The following SCHIP1 variants were observed in gnomAD, a reference collection of about 807,000 sequenced individuals.
The protein encoded by SCHIP1 is schwannomin-interacting protein 1.
A neutral mutation model predicts 29.7 loss-of-function variants in SCHIP1; 8 were observed. The ratio of observed to expected loss-of-function variants is 0.27; its 90% CI spans 0.16 to 0.49. The LOEUF is 0.49. Among genes scored for constraint, SCHIP1 ranks in the 20% least tolerant of loss-of-function variants. The pLI, the probability that SCHIP1 is intolerant of heterozygous loss-of-function variation, is 0.99. For synonymous variants in SCHIP1, 76 were observed against 94.9 expected (o/e 0.80, Z 1.16); for missense variants, 193 against 294.6 (o/e 0.66, Z 2.52).
the SCHIP1 span, among the ~76,000 whole-genome samples, chr3:159,819,189 A>G: frequency 6.6e-6 from 1 of 150,894 alleles, no homozygotes; most frequent in Non-Finnish European, 1.5e-5. Flanking sequence ...CATGGCAGAT[A>G]ACTTCCCCCA....
At chr3:159,622,857 G>C in the SCHIP1 span, among the ~76,000 whole-genome samples, 2 of 152,156 alleles carry the variant, frequency 1.3e-5, no homozygotes, top group Non-Finnish European at 2.9e-5. Flanking sequence ...GGCGGAGCTT[G>C]CAGTGAGCAG....
exon 1 of SCHIP1, chr3:159,840,085 C>A: frequency 1.3e-6 from 2 of 1,524,726 alleles, no homozygotes; most frequent in Non-Finnish European, 1.7e-6. Context: ...CCTGCCTTAC[C>A]AGGGCGTTCT....
the SCHIP1 span, chr3:159,768,720 C>T: frequency 6.6e-6 from 1 of 152,308 alleles, no homozygotes. Flanking sequence ...GTGACTGGAT[C>T]CTTGCTCCAT....
chr3:159,325,770 A>G, the SCHIP1 span, among the ~76,000 whole-genome samples: 1 of 152,102 alleles, frequency 6.6e-6, no homozygotes, highest in Non-Finnish European at 1.5e-5. Flanking sequence ...AACAAAGCAC[A>G]CATCCTCTGA....
chr3:159,689,072 G>A, the SCHIP1 span, among the ~76,000 whole-genome samples: 1 of 152,150 alleles, frequency 6.6e-6, no homozygotes, highest in African/African-American at 2.4e-5. Context: ...GATTATCTTG[G>A]CTGTATGGGC....
At chr3:159,442,986 C>T in the SCHIP1 span, among the ~76,000 whole-genome samples, 1 of 152,146 alleles carries the variant, frequency 6.6e-6, no homozygotes, top group Non-Finnish European at 1.5e-5. Context: ...TTAGCTGTTA[C>T]ATTAACAATT....
chr3:159,371,851 C>G, the SCHIP1 span, among the ~76,000 whole-genome samples: 1 of 152,106 alleles, frequency 6.6e-6, no homozygotes, highest in Non-Finnish European at 1.5e-5. Context: ...ATGTTCCATA[C>G]AGATGCAATT....
the SCHIP1 span, among the ~76,000 whole-genome samples, chr3:159,450,497 G>A: frequency 1.3e-5 from 2 of 152,202 alleles, no homozygotes; most frequent in African/African-American, 2.4e-5. Context: ...AGTCAAGTCA[G>A]ATTCAAGACA....
the SCHIP1 span, among the ~76,000 whole-genome samples, chr3:159,767,504 T>C: frequency 6.6e-6 from 1 of 152,334 alleles, no homozygotes; most frequent in East Asian, 1.9e-4. Flanking sequence ...AGGCCTGCCT[T>C]GAAGGAACTG....
At chr3:159,438,191 G>A in the SCHIP1 span, among the ~76,000 whole-genome samples, 16 of 152,046 alleles carry the variant, frequency 1.1e-4, no homozygotes, top group African/African-American at 3.6e-4. Context: ...AAACATAAAT[G>A]CAGATCTGTC....
chr3:159,385,072 C>T, the SCHIP1 span, among the ~76,000 whole-genome samples: 15 of 152,066 alleles, frequency 9.9e-5, no homozygotes, highest in South Asian at 2.1e-4. Flanking sequence ...GCTCAGGAGC[C>T]GGGAATTGTA....
the SCHIP1 span, among the ~76,000 whole-genome samples, chr3:159,395,761 A>AGGTGT: frequency 1.3e-5 from 2 of 151,394 alleles, no homozygotes; most frequent in East Asian, 3.9e-4. Context: ...ATTTTGGAAT[A>AGGTGT]GGTGTGGTGT....
At chr3:159,355,665 C>T in the SCHIP1 span, among the ~76,000 whole-genome samples, 1 of 151,894 alleles carries the variant, frequency 6.6e-6, no homozygotes, top group Non-Finnish European at 1.5e-5. Context: ...TTCCTCCTGG[C>T]CCCTCCTCTC....
the SCHIP1 span, among the ~76,000 whole-genome samples, chr3:159,359,852 A>G: frequency 0.11 from 16,744 of 152,222 alleles, 2,820 homozygotes; most frequent in African/African-American, 0.36. Context: ...AAAATACCTG[A>G]GTAGGCAAGT....
chr3:159,427,288 T>A, the SCHIP1 span, among the ~76,000 whole-genome samples: 1 of 151,618 alleles, frequency 6.6e-6, no homozygotes, highest in Non-Finnish European at 1.5e-5. Context: ...CATGATTGTA[T>A]ATATAGAAAA....
the SCHIP1 span, among the ~76,000 whole-genome samples, chr3:159,522,072 CAT>C: frequency 1.4e-3 from 210 of 152,242 alleles, no homozygotes; most frequent in South Asian, 0.026. Context: ...TGTAATTAGA[CAT>C]ATATCTGTGC....
the SCHIP1 span, among the ~76,000 whole-genome samples, chr3:159,825,381 CA>C: frequency 6.6e-6 from 1 of 152,132 alleles, no homozygotes; most frequent in Non-Finnish European, 1.5e-5. Context: ...TGAGCCTGCC[CA>C]AGCCACAGCT....
the SCHIP1 span, among the ~76,000 whole-genome samples, chr3:159,550,939 ATTATT>A: frequency 7.9e-5 from 12 of 152,314 alleles, no homozygotes; most frequent in African/African-American, 2.4e-4. Flanking sequence ...TTAACTTTAT[ATTATT>A]TTATTTCATA....
At chr3:159,679,984 G>A in the SCHIP1 span, among the ~76,000 whole-genome samples, 2 of 151,628 alleles carry the variant, frequency 1.3e-5, no homozygotes, top group South Asian at 2.1e-4. Context: ...TGCCTTTTCC[G>A]TGAGACTGTC....
Sources: allele counts gnomAD v4.1 joint callset (sites outside exome capture counted in the v4.1 genomes callset), GRCh38; gene constraint gnomAD v4.1.1; transcripts MANE v1.5; gene names NCBI Gene and HGNC (gene_info 2026-07-23, HGNC 2026-07-21).